Variants in PIWIL4 observed in about 807,000 individuals in gnomAD.
PIWIL4 encodes piwi like RNA-mediated gene silencing 4.
Under a neutral mutation model 100.9 loss-of-function variants are expected in PIWIL4, and 50 were observed. The observed-to-expected ratio is 0.50, with a 90% CI of 0.39 to 0.63. PIWIL4 has a LOEUF of 0.63. Among genes scored for constraint, PIWIL4 ranks in the 20% least tolerant of loss-of-function variants. The pLI, the probability that PIWIL4 is intolerant of heterozygous loss-of-function variation, is 0.00. For synonymous variants in PIWIL4, 342 were observed against 367.5 expected, an observed-to-expected ratio of 0.93 and a Z score of 0.79; for missense variants, 887 against 1,043.3, an observed-to-expected ratio of 0.85 and a Z score of 2.06.
At position 94,577,392 on chromosome 11, in the gene PIWIL4, G is replaced by A. The variant is rs756221145; in HGVS notation, c.413G>A (p.Arg138Lys). ...VTYIPDLASR[R>K]LRIALLYSHS... ...TATATTCCAGATTTAGCATCTAGAA[G>A]GCTGAGAATTGCTTTACTTTATAGT... is the stretch of plus-strand genomic sequence containing the variant. Residue 138 changes from arginine (R) to lysine (K), a missense_variant, in exon 4 of 20, where the codon AGG becomes AAG. Coordinates refer to ENST00000299001, the MANE Select transcript of PIWIL4 (RefSeq NM_152431.3). 13 of 1,614,018 alleles carry A rather than the reference G, an allele frequency of 8.1e-6. No homozygotes were observed. The highest frequency in any genetic ancestry group is 1.1e-5 in the Non-Finnish European group (13 of 1,179,900).
intron 4 of PIWIL4, among the ~76,000 whole-genome samples, chr11:94,581,489 G>A (rs12285710): frequency 0.014 from 2,141 of 152,282 alleles, 42 homozygotes; most frequent in African/African-American, 0.041. Flanking sequence ...GAAGGTGTGG[G>A]AGTTGTGATT....
At chr11:94,569,366 T>G (rs1591770839) in intron 2 of PIWIL4, among the ~76,000 whole-genome samples, 1 of 73,600 alleles carries the variant, frequency 1.4e-5, no homozygotes, top group African/African-American at 4.9e-5. Flanking sequence ...TTATCTTTTG[T>G]TTTTTTTTTT....
intron 8 of PIWIL4, 147 bp from the exon 9 acceptor site, chr11:94,593,371 G>T (rs749127992): frequency 3.0e-6 from 2 of 673,236 alleles, no homozygotes; most frequent in Admixed American, 3.2e-5. Flanking sequence ...GATAGGTCCT[G>T]GGAAGAAAGT....
At position 94,569,950 on chromosome 11, in the gene PIWIL4, T is replaced by C. The variant is rs74239469; in HGVS notation, c.166+1142T>C. Among the ~76,000 whole-genome samples the C allele has an allele frequency of 2.0e-3, 302 of 152,172 alleles. 4 individuals carry two copies. The East Asian group carries it at 0.046, about 23-fold the overall frequency. On this transcript the variant is annotated intron_variant, in intron 2 of 19. Transcript: ENST00000299001. Reference sequence around the variant, plus strand: ...CAAAACTATGCTCTTATGCCTTAAATGTATACGCATTTTTAAAAAAGCAGA... The same window carrying C: ...CAAAACTATGCTCTTATGCCTTAAACGTATACGCATTTTTAAAAAAGCAGA...
At chr11:94,567,819 G>C (rs1948096389) in intron 1 of PIWIL4, 2 of 1,174,528 alleles carry the variant, frequency 1.7e-6, no homozygotes, top group African/African-American at 3.2e-5. Context: ...ATATTAGCCA[G>C]TAAAGAGGAC....
chr11:94,589,080 G>A, intron 7 of PIWIL4, 41 bp from the exon 8 acceptor site: 1 of 1,453,074 alleles, frequency 6.9e-7, no homozygotes, highest in Non-Finnish European at 9.6e-7. Flanking sequence ...GCTTATGTTA[G>A]ATGATTAAAA....
rs571465194 is a variant in PIWIL4, at chr11:94,569,660, G to A, written c.166+852G>A. 4.1e-4 allele frequency among the ~76,000 whole-genome samples: 62 copies of A among 152,336 alleles called. 2 individuals carry two copies. The Middle Eastern group carries it at 0.01, about 25-fold the overall frequency. On this transcript the variant is annotated intron_variant, in intron 2 of 19. Transcript: ENST00000299001. ...CCCAAAGTGCTGGGATTACAGGTATGAGCCACCGCCCCCGGGCGGCGGCCA... is the reference window on the plus strand; with the variant it reads ...CCCAAAGTGCTGGGATTACAGGTATAAGCCACCGCCCCCGGGCGGCGGCCA...
At chr11:94,600,341 G>A (rs894116735) in intron 11 of PIWIL4, among the ~76,000 whole-genome samples, 1 of 152,144 alleles carries the variant, frequency 6.6e-6, no homozygotes, top group African/African-American at 2.4e-5. Context: ...GAGAAATAAA[G>A]GGACAGAGTA....
chr11:94,581,638 A>C (rs1948320878), intron 4 of PIWIL4, among the ~76,000 whole-genome samples: 1 of 152,232 alleles, frequency 6.6e-6, no homozygotes, highest in African/African-American at 2.4e-5. Context: ...AATGGTTTAC[A>C]GAAGGAGGTG....
chr11:94,611,663 G>A (rs1305173339), intron 15 of PIWIL4, among the ~76,000 whole-genome samples: 12 of 152,130 alleles, frequency 7.9e-5, no homozygotes. Flanking sequence ...TAATGAGTGA[G>A]TTCTTGTTCT....
At chr11:94,602,231 G>C (rs1948652099) in intron 12 of PIWIL4, among the ~76,000 whole-genome samples, 1 of 152,152 alleles carries the variant, frequency 6.6e-6, no homozygotes, top group African/African-American at 2.4e-5. Flanking sequence ...AATCTTTCCA[G>C]TACCAGTTGG....
At chr11:94,591,969 G>A (rs911718951) in intron 8 of PIWIL4, among the ~76,000 whole-genome samples, 2 of 152,152 alleles carry the variant, frequency 1.3e-5, no homozygotes, top group Admixed American at 1.3e-4. Flanking sequence ...TCCAGCTAGA[G>A]TCCTTCTTCC....
At chr11:94,576,140 T>A (rs1236225637) in intron 3 of PIWIL4, among the ~76,000 whole-genome samples, 1 of 152,166 alleles carries the variant, frequency 6.6e-6, no homozygotes, top group Non-Finnish European at 1.5e-5. Flanking sequence ...CATTCTTTTC[T>A]TTTCTTTTTT....
rs1417015603 is a variant in PIWIL4, at chr11:94,593,659, T to C, written c.1150+18T>C. On this transcript the variant is annotated intron_variant, in intron 9 of 19. Transcript: ENST00000299001. Reference sequence around the variant, plus strand: ...TCTAACAGGTAATGTTTGTGTTTTATACCTCTGTCAGGCTCCTGGATACAG... The same window carrying C: ...TCTAACAGGTAATGTTTGTGTTTTACACCTCTGTCAGGCTCCTGGATACAG... 6.2e-7 allele frequency: 1 copy of C among 1,612,570 alleles called. No individual in the cohort carries two copies. The highest frequency in any genetic ancestry group is 1.7e-5 in the Admixed American group (1 of 59,946).
intron 4 of PIWIL4, among the ~76,000 whole-genome samples, chr11:94,578,358 T>G (rs1053550948): frequency 6.6e-6 from 1 of 152,234 alleles, no homozygotes. Flanking sequence ...TCAACTTTAA[T>G]TTTTTAGTCA....
chr11:94,568,705 A>G (rs1948108498), intron 1 of PIWIL4, 25 bp from the exon 2 acceptor site: 5 of 1,543,966 alleles, frequency 3.2e-6, no homozygotes, highest in Non-Finnish European at 3.6e-6. Context: ...GTAAATCTGA[A>G]CAAAACTTTT....
At chr11:94,595,534 A>C (rs1356803843) in intron 10 of PIWIL4, 108 bp downstream of exon 10, 1 of 903,556 alleles carries the variant, frequency 1.1e-6, no homozygotes, top group Non-Finnish European at 1.7e-6. Flanking sequence ...ATATTGATTC[A>C]GAGCAAGGAG....
At chr11:94,613,095 A>G (rs1948805190) in intron 15 of PIWIL4, among the ~76,000 whole-genome samples, 1 of 152,172 alleles carries the variant, frequency 6.6e-6, no homozygotes, top group Admixed American at 6.5e-5. Flanking sequence ...TACTTATTAC[A>G]TCCTTTCATT....
intron 16 of PIWIL4, among the ~76,000 whole-genome samples, chr11:94,616,871 T>TA (rs755135371): frequency 6.6e-6 from 1 of 152,190 alleles, no homozygotes; most frequent in Non-Finnish European, 1.5e-5. Flanking sequence ...GAACTCGAGT[T>TA]ATGACAGAGC....
Sources: allele counts gnomAD v4.1 joint callset (sites outside exome capture counted in the v4.1 genomes callset), GRCh38; gene constraint gnomAD v4.1.1; transcripts MANE v1.5; gene names NCBI Gene and HGNC (gene_info 2026-07-23, HGNC 2026-07-21).